Variants in CAMTA1 observed in about 807,000 individuals in gnomAD.
The protein encoded by CAMTA1 is calmodulin-binding transcription activator 1.
CAMTA1 carries 27 observed loss-of-function variants against 170.9 expected under a neutral mutation model. The observed-to-expected ratio is 0.16, with a 90% CI of 0.12 to 0.22. The LOEUF (loss-of-function observed/expected upper bound fraction) is 0.22, where lower values mean the gene tolerates loss of function less well. Among genes scored for constraint, CAMTA1 ranks in the 10% least tolerant of loss-of-function variants. The pLI, the probability that CAMTA1 is intolerant of heterozygous loss-of-function variation, is 1.00. For missense variants in CAMTA1, 1,619 were observed against 2,217.2 expected, an observed-to-expected ratio of 0.73 and a Z score of 5.42; for synonymous variants, 833 against 891.5, an observed-to-expected ratio of 0.93 and a Z score of 1.17.
intron 3 of CAMTA1, among the ~76,000 whole-genome samples, chr1:6,944,233 A>G (rs1687199594): frequency 6.6e-6 from 1 of 152,212 alleles, no homozygotes; most frequent in African/African-American, 2.4e-5. Context: ...ATAGCATTCT[A>G]TTGTATGAAT....
At chr1:7,559,838 G>A (rs1405146137) in intron 6 of CAMTA1, among the ~76,000 whole-genome samples, 5 of 152,228 alleles carry the variant, frequency 3.3e-5, no homozygotes, top group Non-Finnish European at 7.3e-5. Flanking sequence ...GCTTCTGGGA[G>A]GCCAGGGGAG....
At chr1:7,158,076 G>A (rs143325967) in intron 4 of CAMTA1, among the ~76,000 whole-genome samples, 2,061 of 152,210 alleles carry the variant, frequency 0.014, 39 homozygotes, top group African/African-American at 0.047. Context: ...GGAGAATGGC[G>A]TGAACCCGGA....
chr1:7,620,841 G>A (rs187411815), intron 6 of CAMTA1, among the ~76,000 whole-genome samples: 19 of 152,316 alleles, frequency 1.2e-4, no homozygotes, highest in Admixed American at 1.2e-3. Context: ...CCATTCAAGA[G>A]TGGGTCAGCC....
intron 3 of CAMTA1, among the ~76,000 whole-genome samples, chr1:7,056,480 A>G (rs1707341930): frequency 6.6e-6 from 1 of 152,122 alleles, no homozygotes; most frequent in African/African-American, 2.4e-5. Flanking sequence ...TTTTATTTTA[A>G]AAAATAAAAA....
intron 15 of CAMTA1, 102 bp downstream of exon 15, chr1:7,737,672 A>T: frequency 8.5e-7 from 1 of 1,181,518 alleles, no homozygotes; most frequent in Non-Finnish European, 1.2e-6. Context: ...CATACATTTC[A>T]GTTTTTTTGT....
chr1:7,688,284 C>T (rs954383671), intron 11 of CAMTA1, among the ~76,000 whole-genome samples: 3 of 152,122 alleles, frequency 2.0e-5, no homozygotes, highest in African/African-American at 4.8e-5. Context: ...GGATTACAGG[C>T]GTGAGCCACC....
chr1:7,474,038 C>G (rs977838714), intron 6 of CAMTA1, among the ~76,000 whole-genome samples: 3 of 152,232 alleles, frequency 2.0e-5, no homozygotes, highest in African/African-American at 7.2e-5. Context: ...GGGCCACCCC[C>G]CTGGACACTG....
chr1:7,480,261 ATGTG>A (rs1231151601), intron 6 of CAMTA1, among the ~76,000 whole-genome samples: 1 of 90,968 alleles, frequency 1.1e-5, no homozygotes, highest in Admixed American at 1.1e-4. Flanking sequence ...GCATGTGTGT[ATGTG>A]TGTGAGTGCA....
chr1:6,791,354 G>C (rs1217006159), intron 1 of CAMTA1, among the ~76,000 whole-genome samples: 1 of 152,110 alleles, frequency 6.6e-6, no homozygotes, highest in African/African-American at 2.4e-5. Context: ...CCTAAGAATA[G>C]GTAGATGGAA....
intron 6 of CAMTA1, among the ~76,000 whole-genome samples, chr1:7,477,094 C>T (rs953857505): frequency 6.6e-6 from 1 of 152,122 alleles, no homozygotes; most frequent in African/African-American, 2.4e-5. Context: ...AGGGCTCCAG[C>T]GGTGCCCCAG....
At chr1:6,968,357 A>G (rs1557900783) in intron 3 of CAMTA1, among the ~76,000 whole-genome samples, 2 of 151,898 alleles carry the variant, frequency 1.3e-5, no homozygotes, top group South Asian at 2.1e-4. Context: ...CCCGTCCTTT[A>G]TTTGGTTGGA....
intron 4 of CAMTA1, among the ~76,000 whole-genome samples, chr1:7,103,805 TAC>T (rs1393791988): frequency 7.4e-6 from 1 of 134,846 alleles, no homozygotes; most frequent in Non-Finnish European, 1.5e-5. Context: ...AACGCACATA[TAC>T]ATACAACTAC....
intron 6 of CAMTA1, among the ~76,000 whole-genome samples, chr1:7,538,897 G>T (rs965214276): frequency 8.5e-5 from 13 of 152,152 alleles, no homozygotes; most frequent in Non-Finnish European, 1.6e-4. Flanking sequence ...CTGGCTTCCG[G>T]TCATTTGAAC....
intron 3 of CAMTA1, among the ~76,000 whole-genome samples, chr1:7,015,879 C>G (rs1371611832): frequency 6.6e-6 from 1 of 152,180 alleles, no homozygotes; most frequent in East Asian, 1.9e-4. Context: ...GGGAAGCAGG[C>G]ATGTCCTGCA....
chr1:7,474,372 C>T (rs987667809), intron 6 of CAMTA1, among the ~76,000 whole-genome samples: 1 of 152,250 alleles, frequency 6.6e-6, no homozygotes, highest in Non-Finnish European at 1.5e-5. Context: ...TCAGTTTGCT[C>T]ATCCATAAAA....
Position 7,748,484 on chromosome 1 carries a change from C to T in CAMTA1, c.4689+703C>T, listed in dbSNP as rs1184107008. 2.6e-5 allele frequency among the ~76,000 whole-genome samples: 4 copies of T among 152,138 alleles called. No individual in the cohort carries two copies. The highest frequency in any genetic ancestry group is 9.7e-5 in the African/African-American group (4 of 41,424). On this transcript the variant is annotated intron_variant, in intron 19 of 22. Transcript: ENST00000303635. The surrounding 1 kb of genome is among the most constrained non-coding windows in gnomAD (Gnocchi z 4.7). The stretch of plus-strand genomic sequence containing the variant: ...AATTTTTGATCTTTTAGTAATATTA[C>T]CTACCTGAGATACTGGTCTGATCCT...
chr1:6,913,040 G>T (rs937464690), intron 3 of CAMTA1, among the ~76,000 whole-genome samples: 1 of 152,214 alleles, frequency 6.6e-6, no homozygotes, highest in Admixed American at 6.5e-5. Context: ...CCATCAGCAT[G>T]CCGTGACCTT....
At chr1:7,744,505 T>C (rs1373284623) in intron 16 of CAMTA1, among the ~76,000 whole-genome samples, 1 of 152,106 alleles carries the variant, frequency 6.6e-6, no homozygotes, top group African/African-American at 2.4e-5. Flanking sequence ...TGACACCTCA[T>C]TAATATTACA....
At chr1:7,496,275 C>T (rs939551767) in intron 6 of CAMTA1, among the ~76,000 whole-genome samples, 1 of 152,160 alleles carries the variant, frequency 6.6e-6, no homozygotes, top group African/African-American at 2.4e-5. Context: ...CTGTTGTGGG[C>T]TCTCTGTAAG....
Sources: gnomAD v4.1 joint callset for allele counts (sites outside exome capture counted in the v4.1 genomes callset) on GRCh38, gnomAD v4.1.1 for gene constraint, Gnocchi (gnomAD v3.1) non-coding constraint, MANE v1.5 for transcripts, NCBI Gene and HGNC (gene_info 2026-07-23, HGNC 2026-07-21) for gene names.